The following LRP2 variants were observed in gnomAD, a reference collection of about 807,000 sequenced individuals.
The protein encoded by LRP2 is low-density lipoprotein receptor-related protein 2.
Under a neutral mutation model 531.0 loss-of-function variants are expected in LRP2, and 172 were observed. That is an observed-to-expected ratio of 0.32 (90% CI 0.29 to 0.37). The LOEUF is 0.37. Ranked by LOEUF, LRP2 falls within the 10% of genes least tolerant of loss-of-function variation. The pLI is 1.00. For missense variants in LRP2, 5,167 were observed against 5,868.3 expected (o/e 0.88, Z 3.90); for synonymous variants, 1,992 against 2,027.6 (o/e 0.98, Z 0.47).
At chr2:169,302,175 T>G (rs1684301516) in intron 4 of LRP2, among the ~76,000 whole-genome samples, 1 of 152,138 alleles carries the variant, frequency 6.6e-6, no homozygotes, top group African/African-American at 2.4e-5. Context: ...CCTCATTTAA[T>G]CTTTGATCAC....
intron 6 of LRP2, among the ~76,000 whole-genome samples, chr2:169,293,159 G>C (rs1574227628): frequency 6.6e-6 from 1 of 152,198 alleles, no homozygotes; most frequent in East Asian, 1.9e-4. Context: ...AAGAGGTGTG[G>C]AGGGAAATCA....
chr2:169,149,239 A>G (rs1391851679), intron 68 of LRP2, among the ~76,000 whole-genome samples: 1 of 152,210 alleles, frequency 6.6e-6, no homozygotes, highest in Non-Finnish European at 1.5e-5. Flanking sequence ...CAAGAATAGA[A>G]TAAATGTTGG....
At chr2:169,156,466 G>C in intron 64 of LRP2, 61 bp from the exon 65 acceptor site, 1 of 1,604,618 alleles carries the variant, frequency 6.2e-7, no homozygotes, top group South Asian at 1.1e-5. Flanking sequence ...TAGAGATCTT[G>C]CTTCTGTTTA....
intron 14 of LRP2, 61 bp from the exon 15 acceptor site, chr2:169,273,128 G>A (rs1423383017): frequency 1.3e-6 from 2 of 1,587,562 alleles, no homozygotes; most frequent in Non-Finnish European, 1.7e-6. Flanking sequence ...TCCAAGACAT[G>A]AAGCCACTTC....
intron 10 of LRP2, 27 bp from the exon 11 acceptor site, chr2:169,280,546 C>G (rs773927391): frequency 3.7e-6 from 6 of 1,611,382 alleles, no homozygotes; most frequent in Non-Finnish European, 5.1e-6. Flanking sequence ...AAGGCATCAC[C>G]ACTCCTTCAG....
intron 1 of LRP2, among the ~76,000 whole-genome samples, chr2:169,346,868 G>GT (rs1685709557): frequency 6.6e-6 from 1 of 152,106 alleles, no homozygotes. Context: ...TCCTTTTGTT[G>GT]TAACAACTCA....
intron 19 of LRP2, among the ~76,000 whole-genome samples, chr2:169,248,765 C>T (rs1170225301): frequency 7.5e-6 from 1 of 132,714 alleles, no homozygotes; most frequent in East Asian, 2.1e-4. Context: ...TGGGCGCAGG[C>T]CAGTGTGTGT....
rs1038244392 is a variant in LRP2, at chr2:169,333,430, T to C, written c.80-12546A>G. On this transcript the variant is annotated intron_variant, in intron 1 of 78. Transcript: ENST00000649046. Reference sequence around the variant, plus strand: ...GAATATATGTGTGAAACTAAGATGATGTCCAAAAGATGACAAAGAGATCTA... The same window carrying C: ...GAATATATGTGTGAAACTAAGATGACGTCCAAAAGATGACAAAGAGATCTA... Among the ~76,000 whole-genome samples the C allele has an allele frequency of 3.7e-5, 5 of 136,856 alleles. No homozygotes were observed. In the East Asian group the frequency reaches 8.9e-4, roughly 24 times the overall value. 89.8% of individuals were successfully genotyped at this position (136,856 alleles called of 152,430 possible).
chr2:169,247,616 C>T (rs1019800274), intron 19 of LRP2, 101 bp from the exon 20 acceptor site: 13 of 1,204,342 alleles, frequency 1.1e-5, no homozygotes, highest in African/African-American at 1.5e-5. Flanking sequence ...CTTGCAAGTA[C>T]GATCATCTCC....
intron 19 of LRP2, among the ~76,000 whole-genome samples, chr2:169,255,341 G>C (rs1000121098): frequency 6.6e-6 from 1 of 152,086 alleles, no homozygotes; most frequent in Non-Finnish European, 1.5e-5. Flanking sequence ...CAAACCACCT[G>C]TTTCATGGTA....
intron 1 of LRP2, 144 bp from the exon 2 acceptor site, chr2:169,321,028 C>T (rs1684895718): frequency 3.0e-6 from 2 of 666,720 alleles, no homozygotes; most frequent in South Asian, 3.4e-5. Flanking sequence ...AAACATTCTC[C>T]CAATGATAAT....
intron 4 of LRP2, among the ~76,000 whole-genome samples, chr2:169,295,785 A>T (rs928338655): frequency 6.6e-6 from 1 of 151,992 alleles, no homozygotes; most frequent in Non-Finnish European, 1.5e-5. Context: ...TCGGCTTTTT[A>T]AAATATTTTG....
intron 61 of LRP2, 62 bp from the exon 62 acceptor site, chr2:169,166,116 T>C: frequency 6.4e-7 from 1 of 1,561,396 alleles, no homozygotes; most frequent in Non-Finnish European, 8.8e-7. Flanking sequence ...TGTCAATATC[T>C]AAAATACTCC....
chr2:169,247,067 A>T, intron 20 of LRP2, 81 bp from the exon 21 acceptor site: 1 of 1,483,538 alleles, frequency 6.7e-7, no homozygotes, highest in South Asian at 1.2e-5. Flanking sequence ...GAAGGAAAAC[A>T]AACAGGACAA....
rs372011852 is a variant in LRP2 at position 169,220,611 on chromosome 2, A to T, written c.5539-48T>A. 1.0e-5 allele frequency: 13 copies of T among 1,263,060 alleles called. No individual in the cohort carries two copies. In the African/African-American group the frequency reaches 1.9e-4, roughly 19 times the overall value. The allele number at this position is 1,263,060 out of a possible 1,614,324, so 78.2% of individuals were successfully genotyped here. ...AGAACTGACTTTCATAAGGGGAACCAAAGGAAACTGAGATGAAGGAGAACT... is the reference window on the plus strand; with the variant it reads ...AGAACTGACTTTCATAAGGGGAACCTAAGGAAACTGAGATGAAGGAGAACT... On this transcript the variant is annotated intron_variant, in intron 33 of 78. Transcript: ENST00000649046.
intron 54 of LRP2, 66 bp downstream of exon 54, chr2:169,176,345 G>A: frequency 6.3e-7 from 1 of 1,591,042 alleles, no homozygotes; most frequent in Non-Finnish European, 8.6e-7. Context: ...ATCCCTTGGA[G>A]CCTTGAAGGT....
chr2:169,306,007 C>A (rs867467802), intron 4 of LRP2, among the ~76,000 whole-genome samples: 1 of 152,010 alleles, frequency 6.6e-6, no homozygotes, highest in Admixed American at 6.6e-5. Flanking sequence ...CACTCTATCA[C>A]GTTCACACAA....
chr2:169,211,832 G>A (rs970393004), intron 37 of LRP2, 136 bp downstream of exon 37: 2 of 1,217,014 alleles, frequency 1.6e-6, no homozygotes, highest in Admixed American at 1.7e-5. Flanking sequence ...ACTTTAGGCT[G>A]TGCCAGTTGA....
intron 3 of LRP2, among the ~76,000 whole-genome samples, chr2:169,317,270 G>A (rs894002329): frequency 8.5e-5 from 13 of 152,154 alleles, no homozygotes; most frequent in Middle Eastern, 3.4e-3. Context: ...ACATTGAATC[G>A]CAAAATAAAG....
Sources: allele counts gnomAD v4.1 joint callset (sites outside exome capture counted in the v4.1 genomes callset), GRCh38; gene constraint gnomAD v4.1.1; transcripts MANE v1.5; gene names NCBI Gene and HGNC (gene_info 2026-07-23, HGNC 2026-07-21).